Variants in DPM1 observed in about 807,000 individuals in gnomAD.
The protein encoded by DPM1 is dolichol-phosphate mannosyltransferase subunit 1.
A neutral mutation model predicts 39.0 loss-of-function variants in DPM1; 27 were observed. The observed-to-expected ratio is 0.69, with a 90% CI of 0.51 to 0.95. The LOEUF (loss-of-function observed/expected upper bound fraction) is 0.95. Among genes scored for constraint, DPM1 ranks in the 40% least tolerant of loss-of-function variants. DPM1 has a pLI of 0.00. For synonymous variants in DPM1, 124 were observed against 109.0 expected, an observed-to-expected ratio of 1.14 and a Z score of -0.86; for missense variants, 307 against 315.6, an observed-to-expected ratio of 0.97 and a Z score of 0.21.
intron 7 of DPM1, 49 bp downstream of exon 7, chr20:50,940,816 G>A: frequency 7.1e-7 from 1 of 1,403,906 alleles, no homozygotes. Context: ...CCATTGTAAA[G>A]AAAGTTAGCC....
intron 5 of DPM1, among the ~76,000 whole-genome samples, chr20:50,943,387 G>A (rs1425737461): frequency 1.3e-5 from 2 of 151,672 alleles, no homozygotes; most frequent in Non-Finnish European, 2.9e-5. Flanking sequence ...TTGAGATGGA[G>A]TCTCGCTCTG....
At chr20:50,948,000 A>C (rs762510089) in intron 3 of DPM1, among the ~76,000 whole-genome samples, 2 of 152,132 alleles carry the variant, frequency 1.3e-5, no homozygotes, top group Non-Finnish European at 2.9e-5. Flanking sequence ...GGTCCAAGAT[A>C]TTTGCCCTCA....
intron 3 of DPM1, among the ~76,000 whole-genome samples, chr20:50,948,278 C>A (rs1444624633): frequency 6.6e-6 from 1 of 152,070 alleles, no homozygotes; most frequent in Non-Finnish European, 1.5e-5. Flanking sequence ...TGGGCTCTAA[C>A]ATCTCTTCCT....
intron 7 of DPM1, among the ~76,000 whole-genome samples, chr20:50,938,672 G>A (rs932139699): frequency 3.5e-5 from 5 of 144,110 alleles, no homozygotes; most frequent in Non-Finnish European, 6.1e-5. Flanking sequence ...GAGCCACCGC[G>A]CCCAGCCTAT....
Position 50,938,576 on chromosome 20 carries a change from A to G in DPM1, c.563+2289T>C, listed in dbSNP as rs1030889768. 6.6e-5 allele frequency among the ~76,000 whole-genome samples: 10 copies of G among 151,220 alleles called. No individual in the cohort carries two copies. The East Asian group carries it at 1.8e-3, about 27-fold the overall frequency. ...TTTTTGTATTTTTAGTAGACGGGGTATCACCATGTTAGCCAGGATGGTCTC... is the reference window on the plus strand; with the variant it reads ...TTTTTGTATTTTTAGTAGACGGGGTGTCACCATGTTAGCCAGGATGGTCTC... On this transcript the variant is annotated intron_variant, in intron 7 of 8. Transcript: ENST00000371588.
chr20:50,941,114 C>T (rs1296276408), intron 6 of DPM1, 181 bp from the exon 7 acceptor site: 15 of 688,402 alleles, frequency 2.2e-5, no homozygotes, highest in Non-Finnish European at 3.2e-5. Flanking sequence ...CCTGGCTAGG[C>T]GCGGTGGCTC....
chr20:50,951,803 T>A (rs866437811), intron 2 of DPM1, among the ~76,000 whole-genome samples: 38 of 146,494 alleles, frequency 2.6e-4, no homozygotes, highest in South Asian at 1.7e-3. Context: ...AAAAAATAAA[T>A]AAATAAATAA....
chr20:50,937,736 G>A (rs907341809), intron 7 of DPM1, among the ~76,000 whole-genome samples: 10 of 152,212 alleles, frequency 6.6e-5, no homozygotes, highest in African/African-American at 2.4e-4. Context: ...AAGTAGCTGA[G>A]ACTACAGGCA....
At position 50,946,935 on chromosome 20, in the gene DPM1, G is replaced by A. The variant is rs566833755; in HGVS notation, c.296-1012C>T. ...TAAAAATACAAAAAATTGGCCAGGCGCAGTGGCTCACGCTTGTAATCCCAG... is the reference window on the plus strand; with the variant it reads ...TAAAAATACAAAAAATTGGCCAGGCACAGTGGCTCACGCTTGTAATCCCAG... On this transcript the variant is annotated intron_variant, in intron 3 of 8. Coordinates refer to ENST00000371588, the MANE Select transcript of DPM1 (RefSeq NM_003859.3). Among the ~76,000 whole-genome samples the A allele has an allele frequency of 7.9e-5, 12 of 152,278 alleles. No individual in the cohort carries two copies. In the South Asian group the frequency reaches 2.3e-3, roughly 29 times the overall value.
chr20:50,947,739 C>G (rs1324419472), intron 3 of DPM1, among the ~76,000 whole-genome samples: 1 of 152,076 alleles, frequency 6.6e-6, no homozygotes, highest in Non-Finnish European at 1.5e-5. Context: ...AGCGACTCTC[C>G]TGCCTCAGCC....
chr20:50,942,719 T>G (rs977948071), intron 5 of DPM1, among the ~76,000 whole-genome samples: 4 of 152,176 alleles, frequency 2.6e-5, no homozygotes, highest in Non-Finnish European at 5.9e-5. Context: ...TGTTCTTGCC[T>G]TCTTTGAAGC....
At chr20:50,950,682 C>T (rs964490205) in intron 2 of DPM1, among the ~76,000 whole-genome samples, 1 of 152,148 alleles carries the variant, frequency 6.6e-6, no homozygotes, top group South Asian at 2.1e-4. Context: ...CCAGCTTGGC[C>T]AACGTGGTGA....
At chr20:50,953,519 T>A (rs1013322360) in intron 2 of DPM1, among the ~76,000 whole-genome samples, 2 of 152,232 alleles carry the variant, frequency 1.3e-5, no homozygotes, top group African/African-American at 4.8e-5. Context: ...TTTTTAAAAG[T>A]CATTTTCTAG....
chr20:50,942,726 A>G (rs1373420740), intron 5 of DPM1, among the ~76,000 whole-genome samples: 1 of 152,198 alleles, frequency 6.6e-6, no homozygotes, highest in African/African-American at 2.4e-5. Context: ...GCCTTCTTTG[A>G]AGCAAATAAT....
intron 7 of DPM1, among the ~76,000 whole-genome samples, chr20:50,936,773 A>C (rs1011989778): frequency 7.9e-5 from 12 of 152,214 alleles, no homozygotes; most frequent in African/African-American, 2.7e-4. Context: ...CCCAGGATAA[A>C]CTAAGTTGCT....
chr20:50,944,357 G>C (rs2123109930), intron 5 of DPM1: 1 of 152,266 alleles, frequency 6.6e-6, no homozygotes, highest in Admixed American at 6.5e-5. Context: ...TACTCTACAG[G>C]TTAAAGAGGC....
rs140268528 is a variant in DPM1 at position 50,942,969 on chromosome 20, G to A, written c.399-843C>T. On this transcript the variant is annotated intron_variant, in intron 5 of 8. Coordinates refer to ENST00000371588, the MANE Select transcript of DPM1 (RefSeq NM_003859.3). ...TAGGCAGGTGGATCACTTGAGGTCAGGAGTTTGTGACTAGCCTGGCCAACA... is the reference window on the plus strand; with the variant it reads ...TAGGCAGGTGGATCACTTGAGGTCAAGAGTTTGTGACTAGCCTGGCCAACA... Among the ~76,000 whole-genome samples, 58 of 152,326 alleles carry A rather than the reference G, an allele frequency of 3.8e-4. 1 individual carries two copies. The East Asian group carries it at 0.01, about 27-fold the overall frequency.
intron 1 of DPM1, 114 bp from the exon 2 acceptor site, chr20:50,955,399 CG>C: frequency 1.3e-6 from 1 of 757,550 alleles, no homozygotes; most frequent in African/African-American, 1.8e-5. Context: ...CTATATTAAT[CG>C]TTGAGGAAAA....
intron 7 of DPM1, among the ~76,000 whole-genome samples, chr20:50,938,583 T>C (rs1985421001): frequency 6.6e-6 from 1 of 151,190 alleles, no homozygotes; most frequent in African/African-American, 2.4e-5. Flanking sequence ...GGTATCACCA[T>C]GTTAGCCAGG....
Sources: gnomAD v4.1 joint callset for allele counts (sites outside exome capture counted in the v4.1 genomes callset) on GRCh38, gnomAD v4.1.1 for gene constraint, MANE v1.5 for transcripts, NCBI Gene and HGNC (gene_info 2026-07-23, HGNC 2026-07-21) for gene names.